The following CCDC18 variants were observed in gnomAD, a reference collection of about 807,000 sequenced individuals.
The protein encoded by CCDC18 is coiled-coil domain containing 18.
Under a neutral mutation model 196.0 loss-of-function variants are expected in CCDC18, and 157 were observed. The ratio of observed to expected loss-of-function variants is 0.80; its 90% CI spans 0.70 to 0.91. The LOEUF is 0.91. Ranked by LOEUF, CCDC18 falls within the 40% of genes least tolerant of loss-of-function variation. CCDC18 has a pLI of 0.00. For synonymous variants in CCDC18, 482 were observed against 529.2 expected, an observed-to-expected ratio of 0.91 and a Z score of 1.22; for missense variants, 1,465 against 1,611.6, an observed-to-expected ratio of 0.91 and a Z score of 1.56.
At chr1:93,214,668 A>G (rs1656200344) in intron 11 of CCDC18, 75 bp from the exon 12 acceptor site, 2 of 1,019,124 alleles carry the variant, frequency 2.0e-6, no homozygotes, top group African/African-American at 3.2e-5. Context: ...GTTTATGACT[A>G]AATCTTTCAA....
At position 93,226,315 on chromosome 1, in the gene CCDC18, G is replaced by GT; in HGVS notation, c.2176-18_2176-17insT. On this transcript the variant is annotated splice_polypyrimidine_tract_variant and intron_variant, in intron 16 of 28. Transcript: ENST00000690025. ...CGTTTTGTGTTTTTTTTTTTTTTTT[G>GT]CTTTTTTTCCTGCTTAGGTTAGGCA... 1 of 356,552 alleles carries GT rather than the reference G, an allele frequency of 2.8e-6. No individual in the cohort carries two copies. The highest frequency in any genetic ancestry group is 4.2e-6 in the Non-Finnish European group (1 of 236,078). The allele number at this position is 356,552 out of a possible 1,614,324, so 22.1% of individuals were successfully genotyped here.
intron 1 of CCDC18, 63 bp from the exon 2 acceptor site, chr1:93,183,297 G>A: frequency 6.8e-6 from 8 of 1,170,156 alleles, no homozygotes; most frequent in Non-Finnish European, 9.5e-6. Flanking sequence ...ATTCATGTGA[G>A]TATTTTGACT....
At chr1:93,186,928 TAA>T (rs1650789013) in intron 4 of CCDC18, among the ~76,000 whole-genome samples, 1 of 152,052 alleles carries the variant, frequency 6.6e-6, no homozygotes, top group Admixed American at 6.5e-5. Flanking sequence ...CAGACTGTTT[TAA>T]ATAGTTTTGG....
intron 16 of CCDC18, 35 bp from the exon 17 acceptor site, chr1:93,226,298 G>GTTTTTTTTTTTTTTTTGTT: frequency 3.4e-6 from 2 of 589,718 alleles, no homozygotes; most frequent in Non-Finnish European, 5.6e-6. Context: ...ATCGTTTTGT[G>GTTTTTTTTTTTTTTTTGTT]TTTTTTTTTT....
chr1:93,256,723 C>A (rs1327755927), intron 25 of CCDC18, among the ~76,000 whole-genome samples, 185 bp downstream of exon 25: 1 of 151,940 alleles, frequency 6.6e-6, no homozygotes, highest in Non-Finnish European at 1.5e-5. Context: ...TATTTTACCA[C>A]AATTTTAGAA....
intron 23 of CCDC18, among the ~76,000 whole-genome samples, chr1:93,253,978 ATTTT>A (rs2101053526): frequency 6.6e-6 from 1 of 151,954 alleles, no homozygotes; most frequent in Non-Finnish European, 1.5e-5. Context: ...TTCTTTTTTT[ATTTT>A]ATTTTATTTT....
At chr1:93,242,865 A>G (rs1017176748) in intron 21 of CCDC18, among the ~76,000 whole-genome samples, 2 of 152,250 alleles carry the variant, frequency 1.3e-5, no homozygotes, top group African/African-American at 4.8e-5. Flanking sequence ...CATGTCTCAC[A>G]TCCAGGTCAC....
At chr1:93,242,316 CAT>C (rs1235471984) in intron 21 of CCDC18, among the ~76,000 whole-genome samples, 2 of 139,280 alleles carry the variant, frequency 1.4e-5, no homozygotes, top group African/African-American at 6.6e-5. Flanking sequence ...AGACACATCT[CAT>C]ATGGTGGCAG....
Position 93,186,358 on chromosome 1 carries a change from C to T in CCDC18, c.317C>T (p.Ser106Phe). 1 of 1,610,362 alleles carries T rather than the reference C, an allele frequency of 6.2e-7. No individual in the cohort carries two copies. Among genetic ancestry groups the T allele is most frequent in the Non-Finnish European group, 8.5e-7 (1 of 1,178,234 alleles). Residue 106 changes from serine (S) to phenylalanine (F), a missense_variant, in exon 4 of 29, where the codon TCT becomes TTT. Ser to Phe is a radical substitution (Grantham distance 155). Transcript: ENST00000690025. ...KKPRDKMFSS[S>F]APVDQEIKSL... ...TCATTCTTTCAGATGTTTTCATCTT[C>T]TGCCCCTGTGGATCAGGAGATTAAA...
chr1:93,232,321 A>G (rs1001359758), intron 17 of CCDC18, 105 bp from the exon 18 acceptor site: 5 of 669,404 alleles, frequency 7.5e-6, no homozygotes, highest in Non-Finnish European at 1.3e-5. Context: ...ATTGTCCCAC[A>G]TGACAAGTGG....
intron 6 of CCDC18, among the ~76,000 whole-genome samples, chr1:93,195,464 T>C (rs1652568904): frequency 6.6e-6 from 1 of 152,330 alleles, no homozygotes; most frequent in East Asian, 1.9e-4. Context: ...TTGGAGCTTT[T>C]TGAAGAACTA....
At chr1:93,235,924 G>A (rs1374026881) in intron 18 of CCDC18, among the ~76,000 whole-genome samples, 4 of 152,068 alleles carry the variant, frequency 2.6e-5, no homozygotes, top group South Asian at 2.1e-4. Context: ...GAGCCAATTC[G>A]TGAAGAAAAG....
intron 23 of CCDC18, among the ~76,000 whole-genome samples, chr1:93,250,271 C>T (rs1662052025): frequency 6.7e-6 from 1 of 149,628 alleles, no homozygotes; most frequent in Non-Finnish European, 1.5e-5. Flanking sequence ...CTCCCAGCTA[C>T]TTGGGAGGCT....
At chr1:93,215,595 T>G (rs1656358913) in intron 12 of CCDC18, among the ~76,000 whole-genome samples, 1 of 152,110 alleles carries the variant, frequency 6.6e-6, no homozygotes, top group African/African-American at 2.4e-5. Context: ...TATTTGAGAC[T>G]GCAGGCATGT....
rs1169709490 is a variant in CCDC18 at position 93,258,859 on chromosome 1, T to C, written c.3658T>C (p.Ser1220Pro). 1.9e-6 allele frequency: 3 copies of C among 1,600,626 alleles called. No homozygotes were observed. The highest frequency in any genetic ancestry group is 2.6e-6 in the Non-Finnish European group (3 of 1,174,396). The change falls in exon 26 of 29, where the codon TCT becomes CCT. Residue 1220 changes from serine to proline, a missense_variant. Ser to Pro is a moderately conservative substitution (Grantham distance 74). Transcript: ENST00000690025. ...EIKKLSAEVE[S>P]LKEAYHMEMI... Reference sequence around the variant, plus strand: ...CAAGAAATTGTCAGCAGAAGTAGAATCTCTCAAAGAAGCTTATCATATGGA... The same window carrying C: ...CAAGAAATTGTCAGCAGAAGTAGAACCTCTCAAAGAAGCTTATCATATGGA...
At chr1:93,256,056 A>G (rs918041260) in intron 24 of CCDC18, among the ~76,000 whole-genome samples, 1 of 152,296 alleles carries the variant, frequency 6.6e-6, no homozygotes, top group Admixed American at 6.5e-5. Context: ...TACATTTAAA[A>G]TGATAAAAGA....
At chr1:93,246,310 A>T (rs1330446661) in intron 22 of CCDC18, 106 bp downstream of exon 22, 14 of 638,836 alleles carry the variant, frequency 2.2e-5, no homozygotes, top group African/African-American at 3.7e-5. Context: ...TTTATAGCAT[A>T]TCTTTTCTCT....
intron 4 of CCDC18, chr1:93,190,684 T>A: frequency 2.6e-6 from 1 of 378,502 alleles, no homozygotes; most frequent in South Asian, 3.8e-5. Flanking sequence ...CCCTTTTTTT[T>A]TTTTTAACAT....
chr1:93,221,980 T>TG, intron 16 of CCDC18, 44 bp downstream of exon 16: 1 of 1,347,324 alleles, frequency 7.4e-7, no homozygotes, highest in African/African-American at 1.5e-5. Flanking sequence ...CCTTTTTTTT[T>TG]TTTTTAACAG....
Sources: allele counts gnomAD v4.1 joint callset (sites outside exome capture counted in the v4.1 genomes callset), GRCh38; gene constraint gnomAD v4.1.1; transcripts MANE v1.5; gene names NCBI Gene and HGNC (gene_info 2026-07-23, HGNC 2026-07-21).